Variants in BLM observed in about 807,000 individuals in gnomAD.
BLM encodes BLM RecQ like helicase, also known as recQ-like DNA helicase BLM.
In BLM, 95 loss-of-function variants were observed where a neutral mutation model predicts 135.3. The observed-to-expected ratio is 0.70, with a 90% CI of 0.59 to 0.83. The LOEUF (loss-of-function observed/expected upper bound fraction) is 0.83, where lower values mean the gene tolerates loss of function less well. BLM is among the 40% of genes least tolerant of loss of function. BLM has a pLI of 0.00. For synonymous variants in BLM, 520 were observed against 589.2 expected, an observed-to-expected ratio of 0.88 and a Z score of 1.70; for missense variants, 1,518 against 1,663.9, an observed-to-expected ratio of 0.91 and a Z score of 1.53.
intron 12 of BLM, among the ~76,000 whole-genome samples, chr15:90,774,101 G>A (rs1896405316): frequency 7.6e-6 from 1 of 131,668 alleles, no homozygotes. Flanking sequence ...TTGAGGCGGA[G>A]TCTCACTCTG....
At chr15:90,758,275 G>A (rs952585745) in intron 5 of BLM, among the ~76,000 whole-genome samples, 6 of 152,068 alleles carry the variant, frequency 3.9e-5, no homozygotes, top group African/African-American at 1.4e-4. Context: ...ATCATTTGAG[G>A]TTTAGGAGTT....
chr15:90,790,920 AC>A, intron 15 of BLM, 76 bp downstream of exon 15: 1 of 1,408,744 alleles, frequency 7.1e-7, no homozygotes, highest in Non-Finnish European at 1.0e-6. Flanking sequence ...CTATTGTGGT[AC>A]TTCTGGTCCA....
chr15:90,765,028 C>T (rs1329310750), intron 8 of BLM, among the ~76,000 whole-genome samples: 2 of 152,082 alleles, frequency 1.3e-5, no homozygotes, highest in Non-Finnish European at 2.9e-5. Flanking sequence ...CAGATGGCAC[C>T]ACTGCACTCC....
At chr15:90,744,810 G>C (rs1895457903) in intron 1 of BLM, among the ~76,000 whole-genome samples, 1 of 152,100 alleles carries the variant, frequency 6.6e-6, no homozygotes, top group Non-Finnish European at 1.5e-5. Flanking sequence ...AGCACTTTGG[G>C]AGGCGGAGGC....
At chr15:90,786,367 G>T (rs1896750261) in intron 14 of BLM, among the ~76,000 whole-genome samples, 1 of 152,118 alleles carries the variant, frequency 6.6e-6, no homozygotes, top group Non-Finnish European at 1.5e-5. Context: ...TATGTTTTCA[G>T]TTCTCTTGGG....
At chr15:90,723,854 A>G (rs1294568076) in intron 1 of BLM, among the ~76,000 whole-genome samples, 15 of 152,014 alleles carry the variant, frequency 9.9e-5, no homozygotes, top group Admixed American at 6.6e-5. Flanking sequence ...CTTTGCTTCT[A>G]TGAGTTTGCC....
intron 4 of BLM, among the ~76,000 whole-genome samples, chr15:90,754,328 A>G (rs887611561): frequency 2.8e-4 from 43 of 152,244 alleles, no homozygotes; most frequent in African/African-American, 1.0e-3. Context: ...AGACACACAA[A>G]AACACATGTA....
intron 16 of BLM, among the ~76,000 whole-genome samples, chr15:90,797,276 C>T (rs760590303): frequency 7.2e-4 from 109 of 151,974 alleles, no homozygotes; most frequent in Non-Finnish European, 1.4e-3. Flanking sequence ...ATTAGTCGGG[C>T]ATGGTGGCAG....
intron 14 of BLM, chr15:90,790,179 A>T (rs28385071): frequency 0.058 from 11,003 of 190,188 alleles, 379 homozygotes; most frequent in Non-Finnish European, 0.064. Context: ...GTAAGAACGT[A>T]TTGTTCCTGA....
chr15:90,755,561 C>G (rs895347396), intron 5 of BLM, among the ~76,000 whole-genome samples: 2 of 152,000 alleles, frequency 1.3e-5, no homozygotes, highest in African/African-American at 4.8e-5. Flanking sequence ...ACGACAGTCC[C>G]CCTTCCCACT....
rs148969222 is a variant in BLM, at chr15:90,803,721, G to T, written c.3558+1G>T. 5.8e-5 allele frequency: 94 copies of T among 1,613,596 alleles called. No homozygotes were observed. Among genetic ancestry groups the T allele is most frequent in the Non-Finnish European group, 7.4e-5 (87 of 1,179,702 alleles). ...AACTGTACTAAATGGCAATTTAAAG[G>T]TATAGTATTTTTCATGTTTATTTTA... On this transcript the variant is annotated splice_donor_variant, in intron 18 of 21. Transcript: ENST00000355112. LOFTEE classifies it high-confidence loss of function.
At chr15:90,763,742 TG>T (rs1896048102) in intron 8 of BLM, among the ~76,000 whole-genome samples, 1 of 152,230 alleles carries the variant, frequency 6.6e-6, no homozygotes, top group South Asian at 2.1e-4. Context: ...GATATTGTGT[TG>T]GCCCCACTTT....
chr15:90,797,985 G>A (rs561043382), intron 16 of BLM, among the ~76,000 whole-genome samples: 7 of 152,068 alleles, frequency 4.6e-5, no homozygotes, highest in African/African-American at 7.2e-5. Context: ...AAGACAAGAC[G>A]TATCTCTGTG....
At chr15:90,770,177 C>CCTTTTTTTTTTT (rs1555420977) in intron 12 of BLM, among the ~76,000 whole-genome samples, 1 of 128,214 alleles carries the variant, frequency 7.8e-6, no homozygotes, top group Non-Finnish European at 1.6e-5. Flanking sequence ...TCCCCCCCCC[C>CCTTTTTTTTTTT]TTTTTTTTTT....
chr15:90,726,695 A>C (rs2151129649), intron 1 of BLM, among the ~76,000 whole-genome samples: 1 of 152,252 alleles, frequency 6.6e-6, no homozygotes. Context: ...ATGGTGTTTA[A>C]CTTTCTGTTC....
Position 90,751,829 on chromosome 15 carries a change from A to G in BLM, c.842A>G (p.His281Arg), listed in dbSNP as rs202042636. ...AAGAATTTGGAAGAAGCTGAATTAC[A>G]TTCAACTGAGAAAGTTCCATGTATT... ...KKKNLEEAEL[H>R]STEKVPCIEF... The change falls in exon 4 of 22, where the codon CAT (histidine) becomes CGT (arginine). Residue 281 changes from histidine (H) to arginine (R), a missense_variant. His to Arg is a conservative substitution (Grantham distance 29). This residue lies in a region of BLM where 724 missense variants were observed against 756.9 expected (regional missense o/e 0.96). Transcript: ENST00000355112. 3.7e-6 allele frequency: 6 copies of G among 1,613,216 alleles called. No homozygotes were observed. In the Admixed American group the frequency reaches 5.0e-5, roughly 13 times the overall value.
chr15:90,717,603 G>A (rs748963354), intron 1 of BLM, among the ~76,000 whole-genome samples, 163 bp downstream of exon 1: 1 of 152,252 alleles, frequency 6.6e-6, no homozygotes, highest in African/African-American at 2.4e-5. Context: ...GAGGACAGCA[G>A]ATACATAAAT....
At chr15:90,756,506 G>T (rs1895825126) in intron 5 of BLM, among the ~76,000 whole-genome samples, 1 of 152,210 alleles carries the variant, frequency 6.6e-6, no homozygotes, top group East Asian at 1.9e-4. Context: ...TCAGAGCTAG[G>T]ATCTGAACAC....
At chr15:90,743,742 T>C (rs936209365) in intron 1 of BLM, among the ~76,000 whole-genome samples, 4 of 152,102 alleles carry the variant, frequency 2.6e-5, no homozygotes, top group African/African-American at 9.7e-5. Flanking sequence ...TTTGATGGAG[T>C]ATGTACAGAA....
Sources: gnomAD v4.1 joint callset for allele counts (sites outside exome capture counted in the v4.1 genomes callset) on GRCh38, gnomAD v4.1.1 for gene constraint, gnomAD v4.1.1 regional missense constraint, MANE v1.5 for transcripts, NCBI Gene and HGNC (gene_info 2026-07-23, HGNC 2026-07-21) for gene names.